LRRC7: variants seen among roughly 807,000 people sequenced by gnomAD.
LRRC7 encodes the protein leucine rich repeat containing 7.
Under a neutral mutation model 175.7 loss-of-function variants are expected in LRRC7, and 23 were observed. That is an observed-to-expected ratio of 0.13 (90% CI 0.09 to 0.19). The LOEUF is 0.19. Among genes scored for constraint, LRRC7 ranks in the 10% least tolerant of loss-of-function variants. The pLI, the probability that LRRC7 is intolerant of heterozygous loss-of-function variation, is 1.00. For synonymous variants in LRRC7, 685 were observed against 680.9 expected, an observed-to-expected ratio of 1.01 and a Z score of -0.09; for missense variants, 1,354 against 1,904.7, an observed-to-expected ratio of 0.71 and a Z score of 5.38.
intron 2 of LRRC7, among the ~76,000 whole-genome samples, chr1:69,750,798 C>T (rs1435842572): frequency 1.3e-5 from 2 of 152,138 alleles, no homozygotes; most frequent in Non-Finnish European, 2.9e-5. Context: ...TTTTGTAAGG[C>T]ATTAATCCAT....
rs1252145336 is a variant in LRRC7 at position 70,137,263 on chromosome 1, C to T, written c.*15376C>T. Among the ~76,000 whole-genome samples the T allele has an allele frequency of 6.6e-6, 1 of 152,212 alleles. No individual in the cohort carries two copies. The highest frequency in any genetic ancestry group is 2.4e-5 in the African/African-American group (1 of 41,536). On this transcript the variant is annotated 3_prime_UTR_variant, in exon 27 of 27. Transcript: ENST00000651989. Reference sequence around the variant, plus strand: ...TTTCCAAGGAGTAACCCTTTTGGGTCAAAGTCAGAGGGGGCTTGCTGGAAT... The same window carrying T: ...TTTCCAAGGAGTAACCCTTTTGGGTTAAAGTCAGAGGGGGCTTGCTGGAAT...
chr1:70,130,048 C>T lies in LRRC7; in HGVS notation c.*8161C>T, dbSNP rs995357261. 6.6e-6 allele frequency: 1 copy of T among 152,184 alleles called. No homozygotes were observed. The highest frequency in any genetic ancestry group is 2.4e-5 in the African/African-American group (1 of 41,432). 9.4% of individuals were successfully genotyped at this position (152,184 alleles called of 1,614,324 possible). ...AGCCCAGCTCAAACAGCACTAGAAC[C>T]ATGAAACCCTCCCTAGTCTTCATGG... On this transcript the variant is annotated 3_prime_UTR_variant, in exon 27 of 27. Transcript: ENST00000651989.
At chr1:69,747,919 C>T (rs59569956) in intron 2 of LRRC7, among the ~76,000 whole-genome samples, 2,782 of 152,214 alleles carry the variant, frequency 0.018, 93 homozygotes, top group African/African-American at 0.063. Context: ...TGCATTCACA[C>T]ATGCCTTTAA....
chr1:69,799,371 C>A (rs1049400355), intron 4 of LRRC7, among the ~76,000 whole-genome samples: 2 of 151,922 alleles, frequency 1.3e-5, no homozygotes, highest in African/African-American at 2.4e-5. Flanking sequence ...ACCTTACCAC[C>A]CTTCTGAGTC....
chr1:69,942,735 C>G (rs899997047), intron 8 of LRRC7, among the ~76,000 whole-genome samples: 1 of 152,014 alleles, frequency 6.6e-6, no homozygotes, highest in African/African-American at 2.4e-5. Flanking sequence ...CTCAGATAAT[C>G]CAGGATAATC....
At chr1:69,734,110 C>CT (rs981601885) in intron 2 of LRRC7, among the ~76,000 whole-genome samples, 3 of 136,014 alleles carry the variant, frequency 2.2e-5, no homozygotes, top group African/African-American at 7.6e-5. Context: ...TCCTATTTAA[C>CT]TTTTTTTGTT....
In LRRC7 at chr1:69,948,057, A is replaced by G. The variant is rs555442625; in HGVS notation, c.711+16487A>G. Among the ~76,000 whole-genome samples, 3 of 152,214 alleles carry G rather than the reference A, an allele frequency of 2.0e-5. No individual in the cohort carries two copies. The East Asian group carries it at 5.8e-4, about 29-fold the overall frequency. On this transcript the variant is annotated intron_variant, in intron 8 of 26. Transcript: ENST00000651989. The stretch of plus-strand genomic sequence containing the variant: ...AGTGGGTACAGCATGAATACGTTGG[A>G]CGAAGGGGTGACTCACATCCCAGGA...
intron 8 of LRRC7, among the ~76,000 whole-genome samples, chr1:69,977,374 A>T (rs1234837034): frequency 6.6e-6 from 1 of 152,230 alleles, no homozygotes. Flanking sequence ...TTTAAAAAAA[A>T]GAAATACAAG....
At chr1:69,888,351 G>A (rs182463865) in intron 7 of LRRC7, among the ~76,000 whole-genome samples, 7 of 152,290 alleles carry the variant, frequency 4.6e-5, no homozygotes, top group Non-Finnish European at 7.4e-5. Flanking sequence ...TCTGAAAAGC[G>A]CAATATTCGG....
intron 1 of LRRC7, among the ~76,000 whole-genome samples, chr1:69,655,588 G>A (rs562877783): frequency 3.3e-5 from 5 of 152,046 alleles, no homozygotes; most frequent in South Asian, 2.1e-4. Flanking sequence ...GGGTCACATC[G>A]CCACTCATAG....
chr1:69,854,149 T>C (rs1683316789), intron 7 of LRRC7, among the ~76,000 whole-genome samples: 1 of 152,136 alleles, frequency 6.6e-6, no homozygotes, highest in Non-Finnish European at 1.5e-5. Flanking sequence ...ATCTGTAGTT[T>C]TAAATAGAAA....
intron 11 of LRRC7, among the ~76,000 whole-genome samples, chr1:69,995,419 ATACTTT>A: frequency 6.6e-6 from 1 of 151,918 alleles, no homozygotes; most frequent in Admixed American, 6.6e-5. Flanking sequence ...TATTATTATT[ATACTTT>A]AAGTTTTAGG....
intron 2 of LRRC7, among the ~76,000 whole-genome samples, chr1:69,731,912 T>C (rs953529019): frequency 6.6e-6 from 1 of 152,166 alleles, no homozygotes; most frequent in Non-Finnish European, 1.5e-5. Flanking sequence ...AAGTAAAATG[T>C]GAAAATGTCC....
At chr1:70,084,445 T>C (rs984343486) in intron 24 of LRRC7, among the ~76,000 whole-genome samples, 2 of 152,184 alleles carry the variant, frequency 1.3e-5, no homozygotes, top group African/African-American at 4.8e-5. Flanking sequence ...TCCTTTCACT[T>C]AGCATAAGGA....
At chr1:69,764,742 T>TC (rs1671427743) in intron 3 of LRRC7, among the ~76,000 whole-genome samples, 1 of 144,836 alleles carries the variant, frequency 6.9e-6, no homozygotes, top group African/African-American at 2.6e-5. Flanking sequence ...GATAGATAGA[T>TC]AGATAGATAG....
chr1:70,079,492 A>G (rs1663057633), intron 24 of LRRC7, among the ~76,000 whole-genome samples: 1 of 152,232 alleles, frequency 6.6e-6, no homozygotes, highest in South Asian at 2.1e-4. Context: ...AATACAACAC[A>G]ATAATTTCTG....
intron 2 of LRRC7, among the ~76,000 whole-genome samples, chr1:69,695,781 ACTTCAGAAGGCACCAAC>A (rs1291339746): frequency 1.3e-5 from 2 of 152,176 alleles, no homozygotes; most frequent in African/African-American, 4.8e-5. Context: ...TTGGACTGTC[ACTTCAGAAGGCACCAAC>A]CCTAAGCTTT....
rs67944152 is a variant in LRRC7 at position 70,011,334 on chromosome 1, G to GT, written c.1005-453dup. Among the ~76,000 whole-genome samples the GT allele has an allele frequency of 2.0e-3, 301 of 148,750 alleles. 2 individuals carry two copies. Among genetic ancestry groups the GT allele is most frequent in the African/African-American group, 5.6e-3 (230 of 40,720 alleles). On this transcript the variant is annotated intron_variant, in intron 11 of 26. Transcript: ENST00000651989. Reference sequence around the variant, plus strand: ...GTTTTTATGAGGAAGAGAATTGGTGGTTTTTTTTTTCTTTAATCTCTAAAA... The same window carrying GT: ...GTTTTTATGAGGAAGAGAATTGGTGGTTTTTTTTTTTCTTTAATCTCTAAAA...
chr1:69,679,935 C>T (rs1014212889), intron 2 of LRRC7, among the ~76,000 whole-genome samples: 4 of 152,046 alleles, frequency 2.6e-5, no homozygotes, highest in African/African-American at 9.7e-5. Flanking sequence ...GAAACACAGC[C>T]ATCATTTATT....
Sources: gnomAD v4.1 joint callset for allele counts (sites outside exome capture counted in the v4.1 genomes callset) on GRCh38, gnomAD v4.1.1 for gene constraint, MANE v1.5 for transcripts, NCBI Gene and HGNC (gene_info 2026-07-23, HGNC 2026-07-21) for gene names.